The following SH2D4A variants were observed in gnomAD, a reference collection of about 807,000 sequenced individuals.
SH2D4A encodes the protein SH2 domain containing 4A, also known as SH2 domain-containing protein 4A.
SH2D4A carries 70 observed loss-of-function variants against 64.7 expected under a neutral mutation model. That is an observed-to-expected ratio of 1.08 (90% CI 0.89 to 1.32). The LOEUF (loss-of-function observed/expected upper bound fraction) is 1.32, where lower values mean the gene tolerates loss of function less well. Ranked by LOEUF, SH2D4A falls within the 40% of genes most tolerant of loss-of-function variation. The probability of loss-of-function intolerance (pLI) is 0.00; values close to 1 mark genes in which losing one functional copy is unlikely to be tolerated. For missense variants in SH2D4A, 706 were observed against 540.1 expected (o/e 1.31, Z -3.04); for synonymous variants, 268 against 200.7 (o/e 1.34, Z -2.83).
In SH2D4A at chr8:19,333,132, C is replaced by G. The variant is rs2052390765; in HGVS notation, c.341+18C>G. On this transcript the variant is annotated intron_variant, in intron 3 of 9. Coordinates refer to ENST00000265807, the MANE Select transcript of SH2D4A (RefSeq NM_022071.4). ...GAGCCCAGGTATGAGATCTGCAAAC[C>G]AACCAGAGACTTAAAGACTCTCCAG... The G allele has an allele frequency of 1.9e-6, 3 of 1,598,448 alleles. No homozygotes were observed. The highest frequency in any genetic ancestry group is 2.6e-6 in the Non-Finnish European group (3 of 1,175,386).
intron 2 of SH2D4A, among the ~76,000 whole-genome samples, chr8:19,322,677 T>C (rs1157799708): frequency 6.7e-6 from 1 of 149,788 alleles, no homozygotes; most frequent in South Asian, 2.1e-4. Context: ...AGTGCAGTGG[T>C]GTGAGATTTC....
At chr8:19,345,703 G>A (rs970379847) in intron 4 of SH2D4A, among the ~76,000 whole-genome samples, 6 of 152,190 alleles carry the variant, frequency 3.9e-5, no homozygotes, top group Non-Finnish European at 5.9e-5. Context: ...GTACCTTCCT[G>A]CCATGCAACA....
chr8:19,370,283 T>C (rs1466651194), intron 7 of SH2D4A, among the ~76,000 whole-genome samples: 1 of 152,026 alleles, frequency 6.6e-6, no homozygotes, highest in East Asian at 1.9e-4. Flanking sequence ...TTCTAGAGTG[T>C]GGTTTAATTG....
At chr8:19,340,400 A>G (rs1390669438) in intron 4 of SH2D4A, among the ~76,000 whole-genome samples, 2 of 152,050 alleles carry the variant, frequency 1.3e-5, no homozygotes, top group Admixed American at 1.3e-4. Flanking sequence ...AGGGTGGAGG[A>G]ACAAGGTAGC....
chr8:19,318,045 C>A (rs1489532249), intron 1 of SH2D4A, among the ~76,000 whole-genome samples: 2 of 152,074 alleles, frequency 1.3e-5, no homozygotes, highest in East Asian at 1.9e-4. Flanking sequence ...GGATTACAGG[C>A]ACCCACCACC....
Position 19,334,792 on chromosome 8 carries a change from G to T in SH2D4A, c.448G>T (p.Ala150Ser). Residue 150 changes from alanine (A) to serine (S), a missense_variant, in exon 4 of 10, where the codon GCA (alanine) becomes TCA (serine). Ala to Ser is a moderately conservative substitution (Grantham distance 99). Coordinates refer to ENST00000265807, the MANE Select transcript of SH2D4A (RefSeq NM_022071.4). ...GACTAAAGACATCTGGAAGAAAGTGGCAGAAAAGGAGGAACTGGAGCAAGG... is the reference window on the plus strand; with the variant it reads ...GACTAAAGACATCTGGAAGAAAGTGTCAGAAAAGGAGGAACTGGAGCAAGG... Reference protein sequence around the residue: ...QQTKDIWKKVAEKEELEQGSR... With the variant: ...QQTKDIWKKVSEKEELEQGSR... 1 of 1,614,086 alleles carries T rather than the reference G, an allele frequency of 6.2e-7. No homozygotes were observed. Among genetic ancestry groups the T allele is most frequent in the Non-Finnish European group, 8.5e-7 (1 of 1,179,994 alleles).
chr8:19,367,811 C>T (rs2053024606), intron 7 of SH2D4A, among the ~76,000 whole-genome samples: 1 of 152,072 alleles, frequency 6.6e-6, no homozygotes, highest in African/African-American at 2.4e-5. Flanking sequence ...CGTGGTGGCT[C>T]ATACCTATAA....
In SH2D4A at chr8:19,334,398, A is replaced by C. The variant is rs1293357500; in HGVS notation, c.342-288A>C. 2.0e-5 allele frequency among the ~76,000 whole-genome samples: 3 copies of C among 152,334 alleles called. No individual in the cohort carries two copies. The East Asian group carries it at 5.8e-4, about 29-fold the overall frequency. On this transcript the variant is annotated intron_variant, in intron 3 of 9. Coordinates refer to ENST00000265807, the MANE Select transcript of SH2D4A (RefSeq NM_022071.4). Reference sequence around the variant, plus strand: ...TTAACTTCTAAACCAGGAGTTGAGCAGACCAGGGTTCAGATCTTGGCTGTA... The same window carrying C: ...TTAACTTCTAAACCAGGAGTTGAGCCGACCAGGGTTCAGATCTTGGCTGTA...
intron 7 of SH2D4A, among the ~76,000 whole-genome samples, chr8:19,369,036 T>C (rs2053050131): frequency 6.6e-6 from 1 of 152,196 alleles, no homozygotes; most frequent in Non-Finnish European, 1.5e-5. Flanking sequence ...GGTTTTATCA[T>C]GAAGGGATAT....
At chr8:19,390,058 G>T (rs2053464308) in intron 8 of SH2D4A, among the ~76,000 whole-genome samples, 1 of 152,150 alleles carries the variant, frequency 6.6e-6, no homozygotes, top group African/African-American at 2.4e-5. Context: ...AAAGGGCAAT[G>T]CAGGGGACAA....
intron 8 of SH2D4A, among the ~76,000 whole-genome samples, chr8:19,383,142 C>T (rs2053326117): frequency 6.8e-6 from 1 of 147,716 alleles, no homozygotes; most frequent in Admixed American, 6.7e-5. Context: ...TCTTCAAATA[C>T]TCTCTCTGCC....
chr8:19,351,531 A>T (rs1164937390), intron 4 of SH2D4A, among the ~76,000 whole-genome samples: 1 of 152,048 alleles, frequency 6.6e-6, no homozygotes, highest in Non-Finnish European at 1.5e-5. Flanking sequence ...TGAACCCAGG[A>T]GGCGGAGCTT....
At chr8:19,392,436 T>C (rs1341370895) in intron 8 of SH2D4A, among the ~76,000 whole-genome samples, 1 of 152,124 alleles carries the variant, frequency 6.6e-6, no homozygotes, top group Non-Finnish European at 1.5e-5. Context: ...CTGTGTCTCA[T>C]AGGCTGTTTA....
chr8:19,356,103 G>A (rs946383343), intron 4 of SH2D4A, among the ~76,000 whole-genome samples: 27 of 152,316 alleles, frequency 1.8e-4, no homozygotes, highest in East Asian at 9.7e-4. Flanking sequence ...CCAAAGGAAG[G>A]TGGAAGTGGC....
chr8:19,327,215 C>T (rs566390122), intron 2 of SH2D4A, among the ~76,000 whole-genome samples: 2 of 152,238 alleles, frequency 1.3e-5, no homozygotes, highest in African/African-American at 4.8e-5. Flanking sequence ...CCCAAGATAG[C>T]AAACATGAAG....
At chr8:19,361,571 G>GA (rs1309953173) in intron 6 of SH2D4A, among the ~76,000 whole-genome samples, 4 of 152,120 alleles carry the variant, frequency 2.6e-5, no homozygotes, top group African/African-American at 4.8e-5. Flanking sequence ...TATAGCTATG[G>GA]AAAATAGGTT....
In SH2D4A at chr8:19,364,190, C is replaced by T. The variant is rs778841717; in HGVS notation, c.825C>T (p.Ser275=). 6.2e-6 allele frequency: 10 copies of T among 1,614,150 alleles called. No homozygotes were observed. Among genetic ancestry groups the T allele is most frequent in the Middle Eastern group, 1.7e-4 (1 of 6,056 alleles). Residue 275 remains serine, a synonymous_variant, in exon 7 of 10, where the codon AGC becomes AGT. Coordinates refer to ENST00000265807, the MANE Select transcript of SH2D4A (RefSeq NM_022071.4). ...GAAGAGGCGGTGAGAGGCTGCAAAG[C>T]CCCTTGCGTGTTCCGCAGAAACCAG... ...QKGRGGERLQ[S]PLRVPQKPER...
At chr8:19,377,834 T>G (rs2053221855) in intron 8 of SH2D4A, among the ~76,000 whole-genome samples, 1 of 152,080 alleles carries the variant, frequency 6.6e-6, no homozygotes, top group East Asian at 1.9e-4. Flanking sequence ...ATATCTAGAA[T>G]CAGAACTCCT....
chr8:19,354,116 G>A (rs142996274), intron 4 of SH2D4A, among the ~76,000 whole-genome samples: 153 of 150,960 alleles, frequency 1.0e-3, no homozygotes, highest in African/African-American at 3.4e-3. Flanking sequence ...TCAGCCTCCC[G>A]AATAACTGGG....
Sources: gnomAD v4.1 joint callset for allele counts (sites outside exome capture counted in the v4.1 genomes callset) on GRCh38, gnomAD v4.1.1 for gene constraint, MANE v1.5 for transcripts, NCBI Gene and HGNC (gene_info 2026-07-23, HGNC 2026-07-21) for gene names.